The following SLIT3 variants were observed in gnomAD, a reference collection of about 807,000 sequenced individuals.
The protein encoded by SLIT3 is slit guidance ligand 3.
SLIT3 carries 68 observed loss-of-function variants against 184.0 expected under a neutral mutation model. The ratio of observed to expected loss-of-function variants is 0.37; its 90% CI spans 0.30 to 0.45. The LOEUF is 0.45. Ranked by LOEUF, SLIT3 falls within the 20% of genes least tolerant of loss-of-function variation. The probability of loss-of-function intolerance (pLI) is 1.00; values close to 1 mark genes in which losing one functional copy is unlikely to be tolerated. For synonymous variants in SLIT3, 831 were observed against 828.6 expected (o/e 1.00, Z -0.05); for missense variants, 1,707 against 2,026.0 (o/e 0.84, Z 3.02).
chr5:169,236,466 G>T lies in SLIT3; in HGVS notation c.341+8239C>A, dbSNP rs113400397. Among the ~76,000 whole-genome samples the T allele has an allele frequency of 9.1e-3, 1,164 of 127,872 alleles. 15 individuals carry two copies. The highest frequency in any genetic ancestry group is 0.034 in the African/African-American group (1,119 of 32,796). 83.9% of individuals were successfully genotyped at this position (127,872 alleles called of 152,430 possible). ...CCCTCTTGCTGACAGAGCAAGAAAA[G>T]TGTTTTGTTTTGTTTTTTTTTTTTT... On this transcript the variant is annotated intron_variant, in intron 3 of 35. Coordinates refer to ENST00000519560, the MANE Select transcript of SLIT3 (RefSeq NM_003062.4).
intron 4 of SLIT3, among the ~76,000 whole-genome samples, chr5:168,994,962 T>A (rs1003706719): frequency 2.0e-5 from 3 of 152,128 alleles, no homozygotes; most frequent in African/African-American, 7.2e-5. Context: ...ATTTTGCATG[T>A]CTTGTCTCCT....
At position 169,260,498 on chromosome 5, in the gene SLIT3, G is replaced by C. The variant is rs965465525; in HGVS notation, c.198-9039C>G. 2.0e-5 allele frequency among the ~76,000 whole-genome samples: 3 copies of C among 152,138 alleles called. No individual in the cohort carries two copies. The East Asian group carries it at 5.8e-4, about 29-fold the overall frequency. The stretch of plus-strand genomic sequence containing the variant: ...ACGTTAGCTAGTTTTGCCAACAAAG[G>C]TTACAGTTCGTCTTTATGACTGTCC... On this transcript the variant is annotated intron_variant, in intron 1 of 35. Coordinates refer to ENST00000519560, the MANE Select transcript of SLIT3 (RefSeq NM_003062.4).
intron 2 of SLIT3, among the ~76,000 whole-genome samples, chr5:169,247,455 G>A (rs1765630801): frequency 1.3e-5 from 2 of 152,074 alleles, no homozygotes; most frequent in African/African-American, 4.8e-5. Context: ...CAACTCTAGG[G>A]TATTGTAAGT....
chr5:169,037,941 A>G (rs1757314209), intron 4 of SLIT3: 1 of 152,242 alleles, frequency 6.6e-6, no homozygotes, highest in African/African-American at 2.4e-5. Flanking sequence ...AACTTTGTAT[A>G]ACAATCTCTT....
intron 5 of SLIT3, among the ~76,000 whole-genome samples, chr5:168,863,002 G>T (rs1759167244): frequency 6.6e-6 from 1 of 152,136 alleles, no homozygotes; most frequent in Admixed American, 6.5e-5. Flanking sequence ...CTTCTTCATT[G>T]TCTGGTGTAG....
chr5:169,186,029 T>C (rs1443901269), intron 4 of SLIT3, among the ~76,000 whole-genome samples: 2 of 152,194 alleles, frequency 1.3e-5, no homozygotes, highest in African/African-American at 4.8e-5. Context: ...TGACAGAATA[T>C]AGGTGAAGCA....
chr5:168,978,755 A>G (rs79579245), intron 4 of SLIT3, among the ~76,000 whole-genome samples: 156 of 152,254 alleles, frequency 1.0e-3, no homozygotes, highest in Admixed American at 1.6e-3. Context: ...AGGATATGAA[A>G]CCCAGTCCCA....
In SLIT3 at chr5:168,696,370, C is replaced by T. The variant is rs776317879; in HGVS notation, c.3004G>A (p.Asp1002Asn). ...RCEINPDDCE[D>N]NDCENNATCV... ...GTGGCATTGTTTTCGCAGTCGTTGT[C>T]CTCACAGTCATCTGGGTTGATCTCA... Residue 1002 changes from aspartate (D) to asparagine (N), a missense_variant, in exon 28 of 36, where the codon GAC becomes AAC. This residue lies in a region of SLIT3 where 1,307 missense variants were observed against 1,511.6 expected (regional missense o/e 0.86). Transcript: ENST00000519560. 6 of 1,614,168 alleles carry T rather than the reference C, an allele frequency of 3.7e-6. No individual in the cohort carries two copies. Among genetic ancestry groups the T allele is most frequent in the Non-Finnish European group, 5.1e-6 (6 of 1,180,038 alleles).
At chr5:168,676,719 G>A (rs1761422614) in intron 32 of SLIT3, among the ~76,000 whole-genome samples, 2 of 135,148 alleles carry the variant, frequency 1.5e-5, no homozygotes, top group Admixed American at 1.5e-4. Context: ...CCCTGGAGGT[G>A]TGTCAACATG....
chr5:168,709,378 G>A (rs895300764), intron 25 of SLIT3, among the ~76,000 whole-genome samples: 2 of 152,184 alleles, frequency 1.3e-5, no homozygotes, highest in South Asian at 4.1e-4. Flanking sequence ...TTAGAGGCAT[G>A]AGCCACCGTG....
At chr5:169,138,493 C>A (rs1581448076) in intron 4 of SLIT3, among the ~76,000 whole-genome samples, 1 of 152,242 alleles carries the variant, frequency 6.6e-6, no homozygotes, top group South Asian at 2.1e-4. Flanking sequence ...ACTTCCTACA[C>A]AAATCCCTTG....
chr5:168,691,404 G>T (rs1381209837), intron 29 of SLIT3, among the ~76,000 whole-genome samples: 1 of 152,210 alleles, frequency 6.6e-6, no homozygotes, highest in African/African-American at 2.4e-5. Flanking sequence ...TAGAATCATA[G>T]TCACAAATAC....
At chr5:168,693,527 C>A (rs1201773377) in intron 28 of SLIT3, among the ~76,000 whole-genome samples, 3 of 152,166 alleles carry the variant, frequency 2.0e-5, no homozygotes, top group African/African-American at 7.2e-5. Flanking sequence ...TAAGGCAGGA[C>A]AGCAGCTCCC....
chr5:169,065,165 C>T (rs943825792), intron 4 of SLIT3, among the ~76,000 whole-genome samples: 1 of 152,152 alleles, frequency 6.6e-6, no homozygotes, highest in Non-Finnish European at 1.5e-5. Flanking sequence ...CAGAGGATTC[C>T]TTAGAGAATC....
At chr5:168,934,978 A>C (rs190970308) in intron 4 of SLIT3, among the ~76,000 whole-genome samples, 3,035 of 150,738 alleles carry the variant, frequency 0.02, 48 homozygotes, top group Non-Finnish European at 0.031. Flanking sequence ...AAAAAAAAAA[A>C]AAAACAAAAA....
At chr5:169,104,702 A>G (rs941353716) in intron 4 of SLIT3, among the ~76,000 whole-genome samples, 15 of 152,208 alleles carry the variant, frequency 9.9e-5, no homozygotes, top group African/African-American at 3.6e-4. Flanking sequence ...CGCTTCGTGG[A>G]TCCACTCACC....
chr5:168,989,587 C>T (rs1194440423), intron 4 of SLIT3, among the ~76,000 whole-genome samples: 1 of 152,156 alleles, frequency 6.6e-6, no homozygotes, highest in Non-Finnish European at 1.5e-5. Context: ...TAGTTGTATC[C>T]TAAAAGAGTG....
At chr5:169,278,013 C>T (rs1225566920) in intron 1 of SLIT3, among the ~76,000 whole-genome samples, 1 of 152,222 alleles carries the variant, frequency 6.6e-6, no homozygotes, top group Non-Finnish European at 1.5e-5. Context: ...TTGTTCACCA[C>T]TGCACGAGGT....
intron 4 of SLIT3, among the ~76,000 whole-genome samples, chr5:169,162,383 CAGG>C (rs1762508782): frequency 6.6e-6 from 1 of 152,162 alleles, no homozygotes; most frequent in African/African-American, 2.4e-5. Flanking sequence ...GCCCTTACAG[CAGG>C]AGAAGAAGTT....
Sources: gnomAD v4.1 joint callset for allele counts (sites outside exome capture counted in the v4.1 genomes callset) on GRCh38, gnomAD v4.1.1 for gene constraint, gnomAD v4.1.1 regional missense constraint, MANE v1.5 for transcripts, NCBI Gene and HGNC (gene_info 2026-07-23, HGNC 2026-07-21) for gene names.